ZPLD1: variants seen among roughly 807,000 people sequenced by gnomAD.
The protein encoded by ZPLD1 is zona pellucida-like domain-containing protein 1.
In ZPLD1, 34 loss-of-function variants were observed where a neutral mutation model predicts 47.2. That is an observed-to-expected ratio of 0.72 (90% confidence interval 0.55 to 0.96). The LOEUF (loss-of-function observed/expected upper bound fraction) is 0.96, where lower values mean the gene tolerates loss of function less well. Ranked by LOEUF, ZPLD1 falls within the 40% of genes least tolerant of loss-of-function variation. The probability of loss-of-function intolerance (pLI) is 0.00; values close to 1 mark genes in which losing one functional copy is unlikely to be tolerated. For missense variants in ZPLD1, 512 were observed against 505.8 expected (o/e 1.01, Z -0.12); for synonymous variants, 176 against 186.2 (o/e 0.95, Z 0.45).
chr3:102,466,947 A>G (rs1707603134), intron 8 of ZPLD1, among the ~76,000 whole-genome samples: 1 of 152,106 alleles, frequency 6.6e-6, no homozygotes, highest in Non-Finnish European at 1.5e-5. Context: ...AAATTAAAAA[A>G]AAATCTTACA....
chr3:102,388,710 C>G (rs993541688), intron 6 of ZPLD1, among the ~76,000 whole-genome samples: 1 of 152,068 alleles, frequency 6.6e-6, no homozygotes, highest in Non-Finnish European at 1.5e-5. Flanking sequence ...ATCAGTAGTT[C>G]TCTGCACAGT....
chr3:102,449,771 G>A (rs187144907), intron 3 of ZPLD1, among the ~76,000 whole-genome samples: 1 of 152,206 alleles, frequency 6.6e-6, no homozygotes, highest in Admixed American at 6.5e-5. Context: ...GTATATATAG[G>A]AAAGAACATA....
chr3:102,433,073 T>C (rs1026901721), upstream of ZPLD1, among the ~76,000 whole-genome samples: 4 of 152,216 alleles, frequency 2.6e-5, no homozygotes, highest in Non-Finnish European at 5.9e-5. Context: ...TCTATGCAGA[T>C]ATGCAATAAA....
At chr3:102,470,728 A>G (rs1347191508) in intron 10 of ZPLD1, among the ~76,000 whole-genome samples, 1 of 138,048 alleles carries the variant, frequency 7.2e-6, no homozygotes, top group Non-Finnish European at 1.6e-5. Flanking sequence ...ACACACATAC[A>G]CACACACACA....
intron 7 of ZPLD1, among the ~76,000 whole-genome samples, chr3:102,415,837 A>C (rs975705104): frequency 1.3e-5 from 2 of 151,998 alleles, no homozygotes; most frequent in Admixed American, 1.3e-4. Flanking sequence ...TGAACCATTT[A>C]GTTTGAAGAA....
chr3:102,448,896 T>TA (rs1707296790), intron 3 of ZPLD1, among the ~76,000 whole-genome samples: 1 of 152,238 alleles, frequency 6.6e-6, no homozygotes, highest in African/African-American at 2.4e-5. Flanking sequence ...ACTTATGGTA[T>TA]ATCAAGGAGT....
chr3:102,428,865 A>G (rs775171784), intron 8 of ZPLD1, among the ~76,000 whole-genome samples: 4 of 151,980 alleles, frequency 2.6e-5, no homozygotes, highest in Non-Finnish European at 5.9e-5. Context: ...CCGGTTACTT[A>G]AGTAGGTCAA....
upstream of ZPLD1, among the ~76,000 whole-genome samples, chr3:102,432,074 C>T (rs915281922): frequency 6.6e-6 from 1 of 152,230 alleles, no homozygotes; most frequent in African/African-American, 2.4e-5. Context: ...TTGTCCAATG[C>T]TGGAGTAGAG....
At chr3:102,401,478 A>G (rs190633015) in intron 7 of ZPLD1, among the ~76,000 whole-genome samples, 6 of 152,200 alleles carry the variant, frequency 3.9e-5, no homozygotes, top group South Asian at 4.1e-4. Context: ...CTCACAGATT[A>G]TGGGCACTCA....
rs72942854 is a variant in ZPLD1 at position 102,443,154 on chromosome 3, G to A, written c.106+4561G>A. 5.2e-3 allele frequency among the ~76,000 whole-genome samples: 789 copies of A among 152,234 alleles called. 3 individuals carry two copies. The highest frequency in any genetic ancestry group is 0.027 in the Middle Eastern group (8 of 292). On this transcript the variant is annotated intron_variant, in intron 3 of 11. Transcript: ENST00000466937. ...TAAAGGCACATCCAAAGAGGAAAAT[G>A]GCCTTATAGCACAATAAACTTTATG...
chr3:102,426,475 G>A (rs1193509563), intron 8 of ZPLD1, among the ~76,000 whole-genome samples: 1 of 149,704 alleles, frequency 6.7e-6, no homozygotes, highest in African/African-American at 2.5e-5. Flanking sequence ...CCAAGATTGT[G>A]CCACTGCACT....
intron 7 of ZPLD1, among the ~76,000 whole-genome samples, chr3:102,414,002 C>T (rs1442666067): frequency 6.6e-6 from 1 of 151,692 alleles, no homozygotes. Flanking sequence ...CCAACCATTG[C>T]TGCCTTGAGG....
chr3:102,399,707 C>T (rs976598854), intron 7 of ZPLD1, among the ~76,000 whole-genome samples: 2 of 151,804 alleles, frequency 1.3e-5, no homozygotes, highest in African/African-American at 2.4e-5. Context: ...TTAATATACT[C>T]GAGGGAAATT....
At chr3:102,408,515 G>A (rs907908441) in intron 7 of ZPLD1, among the ~76,000 whole-genome samples, 1 of 151,854 alleles carries the variant, frequency 6.6e-6, no homozygotes, top group African/African-American at 2.4e-5. Flanking sequence ...ACTTAAAAAT[G>A]TCTAGCACAG....
At chr3:102,445,377 C>T (rs561701604) in intron 3 of ZPLD1, among the ~76,000 whole-genome samples, 52 of 152,274 alleles carry the variant, frequency 3.4e-4, no homozygotes, top group South Asian at 2.5e-3. Flanking sequence ...CTCTCCCTCC[C>T]GTCCCTTTTA....
chr3:102,418,509 G>T (rs1706837734), intron 8 of ZPLD1, among the ~76,000 whole-genome samples: 1 of 151,918 alleles, frequency 6.6e-6, no homozygotes, highest in African/African-American at 2.4e-5. Flanking sequence ...TTGGAGAAAG[G>T]ACCGAGTCTT....
intron 3 of ZPLD1, among the ~76,000 whole-genome samples, chr3:102,448,123 A>T (rs1707285159): frequency 6.6e-6 from 1 of 152,212 alleles, no homozygotes; most frequent in Non-Finnish European, 1.5e-5. Flanking sequence ...TCAGTTGAAT[A>T]TTCAATTATT....
At chr3:102,474,099 C>T (rs1365894823) in intron 10 of ZPLD1, among the ~76,000 whole-genome samples, 1 of 152,086 alleles carries the variant, frequency 6.6e-6, no homozygotes, top group Non-Finnish European at 1.5e-5. Context: ...ATTTTTTACC[C>T]AACATAGTTA....
At chr3:102,461,643 A>G (rs1707508623) in intron 6 of ZPLD1, among the ~76,000 whole-genome samples, 1 of 151,938 alleles carries the variant, frequency 6.6e-6, no homozygotes, top group Admixed American at 6.6e-5. Flanking sequence ...TTTTCTGTGT[A>G]TTATTATTTA....
Sources: gnomAD v4.1 joint callset for allele counts (sites outside exome capture counted in the v4.1 genomes callset) on GRCh38, gnomAD v4.1.1 for gene constraint, MANE v1.5 for transcripts, NCBI Gene and HGNC (gene_info 2026-07-23, HGNC 2026-07-21) for gene names.